LIN28B: variants seen among roughly 807,000 people sequenced by gnomAD.
The protein encoded by LIN28B is lin-28 RNA binding posttranscriptional regulator B, also known as protein lin-28 homolog B.
A neutral mutation model predicts 21.9 loss-of-function variants in LIN28B; 5 were observed. That is an observed-to-expected ratio of 0.23 (90% CI 0.12 to 0.48). The LOEUF (loss-of-function observed/expected upper bound fraction) is 0.48, where lower values mean the gene tolerates loss of function less well. Among genes scored for constraint, LIN28B ranks in the 20% least tolerant of loss-of-function variants. The probability of loss-of-function intolerance (pLI) is 0.98; values close to 1 mark genes in which losing one functional copy is unlikely to be tolerated. For synonymous variants in LIN28B, 109 were observed against 111.3 expected, an observed-to-expected ratio of 0.98 and a Z score of 0.13; for missense variants, 245 against 310.5, an observed-to-expected ratio of 0.79 and a Z score of 1.58.
chr6:105,070,035 C>T (rs904388809), intron 3 of LIN28B, among the ~76,000 whole-genome samples: 1 of 152,106 alleles, frequency 6.6e-6, no homozygotes, highest in African/African-American at 2.4e-5. Flanking sequence ...GAGTGAGTAA[C>T]CTGTTGAAAA....
chr6:104,974,509 AAG>A (rs1203241523), intron 2 of LIN28B, among the ~76,000 whole-genome samples: 8 of 150,018 alleles, frequency 5.3e-5, no homozygotes, highest in Non-Finnish European at 8.8e-5. Flanking sequence ...AAAAAAGAAA[AAG>A]AAAAAAAGAA....
chr6:105,030,818 A>G (rs1252840092), intron 3 of LIN28B, among the ~76,000 whole-genome samples: 2 of 151,734 alleles, frequency 1.3e-5, no homozygotes, highest in Non-Finnish European at 2.9e-5. Flanking sequence ...CTGGTCTCGA[A>G]TCCTGGACCT....
intron 2 of LIN28B, among the ~76,000 whole-genome samples, chr6:105,005,389 C>T (rs1029161536): frequency 6.6e-6 from 1 of 152,006 alleles, no homozygotes; most frequent in Non-Finnish European, 1.5e-5. Context: ...TAGAACTATT[C>T]TCAATAAAGT....
At chr6:105,074,862 C>CACCTGGCTA (rs1317910593) in intron 3 of LIN28B, among the ~76,000 whole-genome samples, 1 of 152,130 alleles carries the variant, frequency 6.6e-6, no homozygotes, top group Non-Finnish European at 1.5e-5. Context: ...TGCCCCGCCA[C>CACCTGGCTA]ACCTGGCTAA....
intron 2 of LIN28B, among the ~76,000 whole-genome samples, chr6:104,967,256 G>A (rs746755496): frequency 2.0e-5 from 3 of 151,898 alleles, no homozygotes; most frequent in Non-Finnish European, 2.9e-5. Flanking sequence ...GCATAATTAG[G>A]CTTATTGATG....
At chr6:105,069,517 G>T (rs1413687213) in intron 3 of LIN28B, among the ~76,000 whole-genome samples, 1 of 151,816 alleles carries the variant, frequency 6.6e-6, no homozygotes, top group Admixed American at 6.6e-5. Flanking sequence ...TTGAGCCCAG[G>T]AGTTCAAGAC....
chr6:104,985,086 G>A (rs1309717345), intron 2 of LIN28B, among the ~76,000 whole-genome samples: 1 of 152,144 alleles, frequency 6.6e-6, no homozygotes, highest in Admixed American at 6.5e-5. Flanking sequence ...ACTGAATGTG[G>A]ATTTGAGAAA....
intron 2 of LIN28B, among the ~76,000 whole-genome samples, chr6:104,968,664 C>T (rs1427598535): frequency 6.6e-6 from 1 of 152,088 alleles, no homozygotes; most frequent in Non-Finnish European, 1.5e-5. Context: ...ATTACTTTTA[C>T]TTTGGCCAAG....
rs541273729 is a variant in LIN28B, at chr6:104,957,401, G to A, written c.10+141G>A. 584 of 548,372 alleles carry A rather than the reference G, an allele frequency of 1.1e-3. 10 individuals carry two copies. The South Asian group carries it at 0.012, about 11-fold the overall frequency. The allele number at this position is 548,372 out of a possible 1,614,324, so 34.0% of individuals were successfully genotyped here. On this transcript the variant is annotated intron_variant, in intron 1 of 3. Coordinates refer to ENST00000345080, the MANE Select transcript of LIN28B (RefSeq NM_001004317.4). ...GCATTACCTCCCAACCCCCCATCAC[G>A]CAGTGGGGCTTTCTGCAAACCTATT...
At chr6:105,046,036 C>T (rs180849354) in intron 3 of LIN28B, among the ~76,000 whole-genome samples, 1 of 151,990 alleles carries the variant, frequency 6.6e-6, no homozygotes, top group Non-Finnish European at 1.5e-5. Flanking sequence ...TATTATTATA[C>T]TTTAAGTTCC....
rs1401834354 is a variant in LIN28B at position 105,082,570 on chromosome 6, T to C, written c.*3787T>C. On this transcript the variant is annotated 3_prime_UTR_variant, in exon 4 of 4. Coordinates refer to ENST00000345080, the MANE Select transcript of LIN28B (RefSeq NM_001004317.4). ...AAAGTATGTACAAGTGCAGCTGCAC[T>C]GACTTTAATTTTCTAGATGTCTTAA... 1.3e-5 allele frequency: 2 copies of C among 152,688 alleles called. No homozygotes were observed. The highest frequency in any genetic ancestry group is 2.9e-5 in the Non-Finnish European group (2 of 68,036). 9.5% of individuals were successfully genotyped at this position (152,688 alleles called of 1,614,324 possible).
intron 3 of LIN28B, among the ~76,000 whole-genome samples, chr6:105,070,755 G>C (rs1772318778): frequency 2.0e-5 from 3 of 152,168 alleles, no homozygotes; most frequent in Admixed American, 2.0e-4. Flanking sequence ...TCCAGCCTGG[G>C]CAACAGAGCT....
intron 2 of LIN28B, among the ~76,000 whole-genome samples, chr6:104,981,361 G>A (rs1770220652): frequency 6.6e-6 from 1 of 152,138 alleles, no homozygotes; most frequent in Non-Finnish European, 1.5e-5. Context: ...AGGTTCCTGT[G>A]ATCCTTGTCA....
chr6:105,083,103 TA>T lies in LIN28B; in HGVS notation c.*4325del, dbSNP rs1186901030. On this transcript the variant is annotated 3_prime_UTR_variant, in exon 4 of 4. Coordinates refer to ENST00000345080, the MANE Select transcript of LIN28B (RefSeq NM_001004317.4). ...GACTCATGTTGTTTACAAGTGAAAA[TA>T]AAAACACTTGAACTGTATGTTTTTA... 2.0e-5 allele frequency: 3 copies of T among 151,436 alleles called. No individual in the cohort carries two copies. The highest frequency in any genetic ancestry group is 7.2e-5 in the African/African-American group (3 of 41,546). The allele number at this position is 151,436 out of a possible 1,614,324, so 9.4% of individuals were successfully genotyped here.
intron 2 of LIN28B, among the ~76,000 whole-genome samples, chr6:105,000,981 ACAT>A (rs1282200477): frequency 6.6e-6 from 1 of 151,732 alleles, no homozygotes; most frequent in Non-Finnish European, 1.5e-5. Context: ...AGATGTGAAA[ACAT>A]ATATATATTG....
intron 2 of LIN28B, among the ~76,000 whole-genome samples, chr6:105,007,156 A>G (rs1222485255): frequency 1.3e-5 from 2 of 152,232 alleles, no homozygotes; most frequent in Admixed American, 6.5e-5. Flanking sequence ...AAAAATTACT[A>G]TGTTAAGTAA....
In LIN28B at chr6:105,081,758, G is replaced by A. The variant is rs1426850463; in HGVS notation, c.*2975G>A. 6.6e-6 allele frequency: 1 copy of A among 152,608 alleles called. No individual in the cohort carries two copies. Among genetic ancestry groups the A allele is most frequent in the African/African-American group, 2.4e-5 (1 of 41,440 alleles). 9.5% of individuals were successfully genotyped at this position (152,608 alleles called of 1,614,324 possible). ...GGAAGGGGTAGCAGGGAGAGGGGTT[G>A]GTGTATGCAGGTATTCATGCTAGGC... On this transcript the variant is annotated 3_prime_UTR_variant, in exon 4 of 4. Transcript: ENST00000345080.
At chr6:104,956,469 C>G (rs774363095), upstream of LIN28B, among the ~76,000 whole-genome samples, 1 of 152,060 alleles carries the variant, frequency 6.6e-6, no homozygotes, top group South Asian at 2.1e-4. Flanking sequence ...AAGGTGAAAA[C>G]GATTTTTCTA....
intron 2 of LIN28B, among the ~76,000 whole-genome samples, chr6:104,950,294 G>C (rs1181084751): frequency 1.3e-5 from 2 of 151,928 alleles, no homozygotes; most frequent in East Asian, 3.8e-4. Flanking sequence ...ATGCCAATTG[G>C]TTATCTAATT....
Sources: gnomAD v4.1 joint callset for allele counts (sites outside exome capture counted in the v4.1 genomes callset) on GRCh38, gnomAD v4.1.1 for gene constraint, MANE v1.5 for transcripts, NCBI Gene and HGNC (gene_info 2026-07-23, HGNC 2026-07-21) for gene names.